NTNG1: variants seen among roughly 807,000 people sequenced by gnomAD.
NTNG1 encodes netrin G1.
NTNG1 carries 16 observed loss-of-function variants against 54.0 expected under a neutral mutation model. The observed-to-expected ratio is 0.30, with a 90% CI of 0.20 to 0.45. The LOEUF (loss-of-function observed/expected upper bound fraction) is 0.45, where lower values mean the gene tolerates loss of function less well. Among genes scored for constraint, NTNG1 ranks in the 20% least tolerant of loss-of-function variants. The probability of loss-of-function intolerance (pLI) is 1.00; values close to 1 mark genes in which losing one functional copy is unlikely to be tolerated. For missense variants in NTNG1, 530 were observed against 678.7 expected, an observed-to-expected ratio of 0.78 and a Z score of 2.43; for synonymous variants, 255 against 263.1, an observed-to-expected ratio of 0.97 and a Z score of 0.30.
intron 7 of NTNG1, among the ~76,000 whole-genome samples, chr1:107,462,638 C>G (rs1189602986): frequency 6.6e-6 from 1 of 152,160 alleles, no homozygotes. Context: ...AAACAGGAAG[C>G]CAAACTATGT....
intron 2 of NTNG1, among the ~76,000 whole-genome samples, chr1:107,261,725 C>A (rs981510406): frequency 3.9e-5 from 6 of 152,138 alleles, no homozygotes; most frequent in Non-Finnish European, 7.4e-5. Flanking sequence ...TGCCTGTAGT[C>A]CCAGCTACTC....
chr1:107,392,353 T>C (rs1329022315), intron 3 of NTNG1, among the ~76,000 whole-genome samples: 1 of 152,032 alleles, frequency 6.6e-6, no homozygotes, highest in Admixed American at 6.6e-5. Context: ...AAAAGGTTTG[T>C]AATGCGAAGG....
intron 2 of NTNG1, among the ~76,000 whole-genome samples, chr1:107,166,937 A>G (rs191156624): frequency 2.2e-4 from 34 of 152,170 alleles, no homozygotes; most frequent in Non-Finnish European, 4.4e-4. Flanking sequence ...TTATTTAGAG[A>G]TGGGTACAGT....
At chr1:107,164,800 C>A (rs1249220221) in intron 2 of NTNG1, among the ~76,000 whole-genome samples, 1 of 152,124 alleles carries the variant, frequency 6.6e-6, no homozygotes, top group Non-Finnish European at 1.5e-5. Context: ...AGAAATAGCA[C>A]TCAAACATAA....
intron 7 of NTNG1, among the ~76,000 whole-genome samples, chr1:107,464,124 A>G (rs1677451362): frequency 6.6e-6 from 1 of 152,188 alleles, no homozygotes; most frequent in African/African-American, 2.4e-5. Context: ...AAATAGGGGC[A>G]TCAGCTTTAC....
At chr1:107,432,200 A>G (rs901660141) in intron 6 of NTNG1, among the ~76,000 whole-genome samples, 3 of 152,192 alleles carry the variant, frequency 2.0e-5, no homozygotes, top group African/African-American at 4.8e-5. Context: ...CTAGTCAGAA[A>G]AGGATAAATG....
intron 2 of NTNG1, among the ~76,000 whole-genome samples, chr1:107,165,714 C>T (rs1655741837): frequency 6.6e-6 from 1 of 152,166 alleles, no homozygotes; most frequent in Non-Finnish European, 1.5e-5. Flanking sequence ...TTTCTGCTCT[C>T]CACTTTCACT....
At chr1:107,188,721 T>C (rs1657660835) in intron 2 of NTNG1, among the ~76,000 whole-genome samples, 1 of 152,100 alleles carries the variant, frequency 6.6e-6, no homozygotes, top group African/African-American at 2.4e-5. Flanking sequence ...CATTGGTTAA[T>C]GGACCCAGAA....
At chr1:107,185,745 A>T (rs1282584709) in intron 2 of NTNG1, among the ~76,000 whole-genome samples, 1 of 152,070 alleles carries the variant, frequency 6.6e-6, no homozygotes, top group Non-Finnish European at 1.5e-5. Flanking sequence ...AAGGGAGGAG[A>T]CTTCCAGATG....
chr1:107,301,182 G>GGAT (rs1666290292), intron 2 of NTNG1, among the ~76,000 whole-genome samples: 2 of 152,070 alleles, frequency 1.3e-5, no homozygotes, highest in East Asian at 3.8e-4. Context: ...CCTATGTAAT[G>GGAT]TTTAGATTTA....
At chr1:107,243,877 T>C (rs998985415) in intron 2 of NTNG1, among the ~76,000 whole-genome samples, 1 of 152,202 alleles carries the variant, frequency 6.6e-6, no homozygotes, top group African/African-American at 2.4e-5. Context: ...CCTCACTCTT[T>C]AAATATATTA....
chr1:107,252,116 T>C (rs148783757), intron 2 of NTNG1, among the ~76,000 whole-genome samples: 2 of 152,340 alleles, frequency 1.3e-5, no homozygotes, highest in Non-Finnish European at 2.9e-5. Context: ...AAATGGTTCA[T>C]AGATGGAATT....
Position 107,324,811 on chromosome 1 carries a change from T to C in NTNG1, c.776T>C (p.Val259Ala), listed in dbSNP as rs759007181. ...AAGAAACTCAGAGATTTCTTTACAG[T>C]CACAGACCTGAGGATAAGGCTGTTA... Reference protein sequence around the residue: ...TTKKLRDFFTVTDLRIRLLRP... With the variant: ...TTKKLRDFFTATDLRIRLLRP... The change falls in exon 3 of 8, where the codon GTC becomes GCC. Residue 259 changes from valine to alanine, a missense_variant. This residue lies in a region of NTNG1 where 318 missense variants were observed against 465.1 expected (regional missense o/e 0.68). Coordinates refer to ENST00000370068, the MANE Select transcript of NTNG1 (RefSeq NM_001113226.3). 12 of 1,613,548 alleles carry C rather than the reference T, an allele frequency of 7.4e-6. No homozygotes were observed. In the South Asian group the frequency reaches 1.3e-4, roughly 18 times the overall value.
At chr1:107,365,568 T>C (rs1670547658) in intron 3 of NTNG1, among the ~76,000 whole-genome samples, 1 of 152,192 alleles carries the variant, frequency 6.6e-6, no homozygotes, top group Non-Finnish European at 1.5e-5. Flanking sequence ...TTACCATATG[T>C]GATGTAATGA....
chr1:107,333,659 T>G (rs563686914), intron 3 of NTNG1, among the ~76,000 whole-genome samples: 24 of 150,608 alleles, frequency 1.6e-4, no homozygotes, highest in African/African-American at 5.6e-4. Context: ...ATGTGTGTGT[T>G]TGTGTGTGTG....
chr1:107,386,852 T>C (rs1403230809), intron 3 of NTNG1, among the ~76,000 whole-genome samples: 1 of 152,232 alleles, frequency 6.6e-6, no homozygotes, highest in Admixed American at 6.5e-5. Context: ...AAAAACACAT[T>C]TTATACTCCC....
chr1:107,257,172 C>T (rs897558463), intron 2 of NTNG1, among the ~76,000 whole-genome samples: 12 of 152,150 alleles, frequency 7.9e-5, no homozygotes, highest in East Asian at 1.9e-4. Flanking sequence ...CTGCCTTTAT[C>T]GTCATTTGGA....
At chr1:107,298,363 T>C (rs1666108935) in intron 2 of NTNG1, among the ~76,000 whole-genome samples, 1 of 152,164 alleles carries the variant, frequency 6.6e-6, no homozygotes, top group Non-Finnish European at 1.5e-5. Context: ...AGTTCTCATC[T>C]GCACTATCAT....
At chr1:107,296,737 TC>T (rs1665965171) in intron 2 of NTNG1, among the ~76,000 whole-genome samples, 2 of 148,170 alleles carry the variant, frequency 1.3e-5, no homozygotes, top group Admixed American at 6.8e-5. Flanking sequence ...TATATAATAT[TC>T]CAATTATATA....
Sources: gnomAD v4.1 joint callset for allele counts (sites outside exome capture counted in the v4.1 genomes callset) on GRCh38, gnomAD v4.1.1 for gene constraint, gnomAD v4.1.1 regional missense constraint, MANE v1.5 for transcripts, NCBI Gene and HGNC (gene_info 2026-07-23, HGNC 2026-07-21) for gene names.